Variants in SFXN5 observed in about 807,000 individuals in gnomAD.
SFXN5 encodes sideroflexin 5, also known as sideroflexin-5.
In SFXN5, 43 loss-of-function variants were observed where a neutral mutation model predicts 50.2. That is an observed-to-expected ratio of 0.86 (90% CI 0.67 to 1.11). SFXN5 has a LOEUF of 1.11. Among genes scored for constraint, SFXN5 ranks in the 50% least tolerant of loss-of-function variants. The pLI is 0.00. For synonymous variants in SFXN5, 203 were observed against 185.8 expected, an observed-to-expected ratio of 1.09 and a Z score of -0.75; for missense variants, 463 against 454.1, an observed-to-expected ratio of 1.02 and a Z score of -0.18.
Position 72,945,011 on chromosome 2 carries a change from G to A in SFXN5, c.*11C>T, listed in dbSNP as rs535583203. 1.5e-5 allele frequency: 24 copies of A among 1,612,538 alleles called. 1 individual carries two copies. Among genetic ancestry groups the A allele is most frequent in the Middle Eastern group, 1.6e-4 (1 of 6,082 alleles). On this transcript the variant is annotated 3_prime_UTR_variant, in exon 14 of 14. Transcript: ENST00000272433. This position sits in a 1 kb window ranked among gnomAD's most constrained non-coding sequence, Gnocchi z 5.8. ...CTGCACAGTGCTCCGTCCCCAGGCC[G>A]CTGACCACACTCACAACCCCTTGTT...
chr2:73,041,642 G>A, intron 2 of SFXN5: 1 of 434,744 alleles, frequency 2.3e-6, no homozygotes, highest in Non-Finnish European at 4.7e-6. Context: ...GTGAGCCTGG[G>A]GGACAGTGCA....
At chr2:72,978,920 A>G (rs1435017913) in intron 10 of SFXN5, among the ~76,000 whole-genome samples, 1 of 152,194 alleles carries the variant, frequency 6.6e-6, no homozygotes, top group Non-Finnish European at 1.5e-5. Flanking sequence ...TTAGAGCACA[A>G]GGTTGTTTAG....
intron 10 of SFXN5, among the ~76,000 whole-genome samples, chr2:72,977,920 C>T (rs1265651084): frequency 6.7e-6 from 1 of 149,564 alleles, no homozygotes; most frequent in Admixed American, 6.7e-5. Flanking sequence ...CTGCAGTGAG[C>T]CAAGATTGCA....
At chr2:73,042,710 T>G (rs1178463356) in intron 2 of SFXN5, 1 of 151,926 alleles carries the variant, frequency 6.6e-6, no homozygotes, top group Non-Finnish European at 1.5e-5. Flanking sequence ...GAGGATTGAT[T>G]GAGCCTGGGA....
chr2:72,989,488 G>C (rs1231481339), intron 9 of SFXN5, among the ~76,000 whole-genome samples: 1 of 152,088 alleles, frequency 6.6e-6, no homozygotes. Context: ...AATAAATGAA[G>C]CTATATAATC....
intron 1 of SFXN5, among the ~76,000 whole-genome samples, chr2:73,063,162 A>G (rs1418353943): frequency 6.6e-6 from 1 of 152,216 alleles, no homozygotes; most frequent in Non-Finnish European, 1.5e-5. Flanking sequence ...TGGTCATATC[A>G]GTCTGAGATA....
intron 1 of SFXN5, among the ~76,000 whole-genome samples, chr2:73,065,627 C>T (rs971773308): frequency 1.3e-5 from 2 of 152,176 alleles, no homozygotes; most frequent in African/African-American, 4.8e-5. Flanking sequence ...GAACTCCTGA[C>T]CTCAAGTGAT....
At chr2:72,971,917 G>A (rs1288973935) in intron 10 of SFXN5, among the ~76,000 whole-genome samples, 1 of 152,166 alleles carries the variant, frequency 6.6e-6, no homozygotes, top group African/African-American at 2.4e-5. Flanking sequence ...TATCAGGGAG[G>A]ACACCCGTTC....
chr2:73,000,217 A>G lies in SFXN5; in HGVS notation c.468+214T>C, dbSNP rs563004115. ...CTTCATGTAAACAGCCCCTCCCCAG[A>G]GGGCTCCTGGCCCAGAAACTGCAGC... On this transcript the variant is annotated intron_variant, in intron 8 of 13. Coordinates refer to ENST00000272433, the MANE Select transcript of SFXN5 (RefSeq NM_144579.3). Among the ~76,000 whole-genome samples, 573 of 152,302 alleles carry G rather than the reference A, an allele frequency of 3.8e-3. 4 individuals are homozygous for G. The highest frequency in any genetic ancestry group is 7.1e-3 in the Non-Finnish European group (484 of 68,028).
At chr2:72,965,459 G>A (rs767919011) in intron 12 of SFXN5, among the ~76,000 whole-genome samples, 19 of 152,160 alleles carry the variant, frequency 1.2e-4, no homozygotes, top group African/African-American at 3.6e-4. Flanking sequence ...CTCTGTCCTC[G>A]CGATAAGGCA....
At chr2:73,012,665 C>CAA (rs1436004033) in intron 6 of SFXN5, among the ~76,000 whole-genome samples, 1 of 147,748 alleles carries the variant, frequency 6.8e-6, no homozygotes, top group East Asian at 1.9e-4. Flanking sequence ...CACACACACA[C>CAA]ACACACACAC....
chr2:72,956,925 C>T (rs1673154893), intron 13 of SFXN5: 1 of 431,130 alleles, frequency 2.3e-6, no homozygotes, highest in Non-Finnish European at 4.8e-6. Flanking sequence ...CCTAGACTGC[C>T]ATGTCTAGCT....
chr2:73,009,751 T>C (rs574620257), intron 6 of SFXN5, among the ~76,000 whole-genome samples: 17 of 152,294 alleles, frequency 1.1e-4, no homozygotes, highest in African/African-American at 4.1e-4. Flanking sequence ...GCTTCAGCAA[T>C]GAACCCCTGA....
chr2:73,034,042 C>G (rs1005779309), intron 3 of SFXN5, among the ~76,000 whole-genome samples: 1 of 152,218 alleles, frequency 6.6e-6, no homozygotes, highest in Non-Finnish European at 1.5e-5. Context: ...TATAATTTCA[C>G]AGGTCACTCT....
intron 10 of SFXN5, among the ~76,000 whole-genome samples, chr2:72,974,927 C>T (rs1245624285): frequency 6.6e-6 from 1 of 151,490 alleles, no homozygotes; most frequent in Non-Finnish European, 1.5e-5. Context: ...CTCTCCAACA[C>T]ACCAGCAAGA....
intron 6 of SFXN5, among the ~76,000 whole-genome samples, chr2:73,012,649 A>AACACACACACACACACACAC (rs57635824): frequency 7.9e-6 from 1 of 125,858 alleles, no homozygotes; most frequent in Non-Finnish European, 1.7e-5. Context: ...CTAGCCAAAC[A>AACACACACACACACACACAC]ACACACACAC....
chr2:72,974,646 C>T (rs755229120), intron 10 of SFXN5, among the ~76,000 whole-genome samples: 1 of 152,202 alleles, frequency 6.6e-6, no homozygotes, highest in Non-Finnish European at 1.5e-5. Flanking sequence ...GAGCACCTGC[C>T]GTATGCAGAG....
intron 9 of SFXN5, among the ~76,000 whole-genome samples, chr2:72,994,614 C>A (rs1163985037): frequency 3.3e-5 from 5 of 152,142 alleles, no homozygotes; most frequent in African/African-American, 1.2e-4. Context: ...AGCACTTCAT[C>A]CCTGAGTCTT....
intron 2 of SFXN5, among the ~76,000 whole-genome samples, chr2:73,045,927 C>T (rs1001522906): frequency 6.6e-5 from 10 of 152,076 alleles, no homozygotes; most frequent in Admixed American, 3.3e-4. Flanking sequence ...ACCAGGGACA[C>T]GTCGCTTTCC....
Sources: allele counts gnomAD v4.1 joint callset (sites outside exome capture counted in the v4.1 genomes callset), GRCh38; gene constraint gnomAD v4.1.1; non-coding constraint Gnocchi (gnomAD v3.1); transcripts MANE v1.5; gene names NCBI Gene and HGNC (gene_info 2026-07-23, HGNC 2026-07-21).